The following CLINT1 variants were observed in gnomAD, a reference collection of about 807,000 sequenced individuals.
CLINT1 encodes the protein clathrin interactor 1.
Under a neutral mutation model 70.4 loss-of-function variants are expected in CLINT1, and 15 were observed. The observed-to-expected ratio is 0.21, with a 90% CI of 0.14 to 0.33. The LOEUF (loss-of-function observed/expected upper bound fraction) is 0.33. CLINT1 is among the 10% of genes least tolerant of loss of function. The pLI, the probability that CLINT1 is intolerant of heterozygous loss-of-function variation, is 1.00. For missense variants in CLINT1, 615 were observed against 778.1 expected (o/e 0.79, Z 2.49); for synonymous variants, 227 against 254.7 (o/e 0.89, Z 1.04).
At chr5:157,851,876 G>A (rs935382953) in intron 1 of CLINT1, among the ~76,000 whole-genome samples, 1 of 151,972 alleles carries the variant, frequency 6.6e-6, no homozygotes, top group Non-Finnish European at 1.5e-5. Context: ...AATATATTAC[G>A]TTCCTTTACC....
intron 3 of CLINT1, 63 bp from the exon 4 acceptor site, chr5:157,814,356 G>A: frequency 8.8e-7 from 1 of 1,136,362 alleles, no homozygotes; most frequent in Non-Finnish European, 1.3e-6. Flanking sequence ...TTTGGTAAAT[G>A]GTTAAAAAAA....
intron 1 of CLINT1, among the ~76,000 whole-genome samples, chr5:157,839,764 T>TATAC (rs1554102233): frequency 1.0e-4 from 15 of 147,888 alleles, no homozygotes; most frequent in Admixed American, 3.5e-4. Context: ...TCTATCTATC[T>TATAC]ATACATATAA....
intron 1 of CLINT1, among the ~76,000 whole-genome samples, chr5:157,831,694 T>TC (rs71577339): frequency 4.0e-5 from 2 of 49,482 alleles, no homozygotes; most frequent in Non-Finnish European, 8.3e-5. Flanking sequence ...GAAAATATCC[T>TC]TTTTTTTTTT....
chr5:157,833,099 C>T (rs1453470698), intron 1 of CLINT1, among the ~76,000 whole-genome samples: 2 of 152,124 alleles, frequency 1.3e-5, no homozygotes, highest in Admixed American at 6.5e-5. Context: ...TCCTGTAATT[C>T]CGGCACTGGG....
chr5:157,818,080 A>G (rs769996897), intron 1 of CLINT1, among the ~76,000 whole-genome samples: 2 of 152,060 alleles, frequency 1.3e-5, no homozygotes, highest in Non-Finnish European at 2.9e-5. Flanking sequence ...GTCTTTTTTC[A>G]TTTACTCTAT....
intron 1 of CLINT1, among the ~76,000 whole-genome samples, chr5:157,846,972 C>A (rs1000987320): frequency 6.6e-6 from 1 of 152,302 alleles, no homozygotes; most frequent in Non-Finnish European, 1.5e-5. Flanking sequence ...TTCACATGGA[C>A]AAGGAGTCAC....
intron 6 of CLINT1, among the ~76,000 whole-genome samples, chr5:157,808,770 G>A (rs1216669381): frequency 6.6e-6 from 1 of 152,006 alleles, no homozygotes; most frequent in Non-Finnish European, 1.5e-5. Context: ...AATCCATTTG[G>A]ATTGTTTTTC....
At chr5:157,845,987 T>C (rs768392138) in intron 1 of CLINT1, among the ~76,000 whole-genome samples, 5 of 152,288 alleles carry the variant, frequency 3.3e-5, no homozygotes, top group Non-Finnish European at 5.9e-5. Flanking sequence ...TAATTGATAG[T>C]AAGTTGAATG....
intron 6 of CLINT1, among the ~76,000 whole-genome samples, chr5:157,807,857 C>T (rs1369597030): frequency 6.6e-6 from 1 of 152,042 alleles, no homozygotes; most frequent in Non-Finnish European, 1.5e-5. Context: ...AACCAGCCTA[C>T]ATAGCGTTAT....
chr5:157,817,693 T>C, intron 1 of CLINT1, 146 bp from the exon 2 acceptor site: 1 of 568,944 alleles, frequency 1.8e-6, no homozygotes, highest in Non-Finnish European at 3.2e-6. Context: ...GTGCACAAGC[T>C]ACCCCAAGGA....
chr5:157,854,852 G>A (rs1474538139), intron 1 of CLINT1, among the ~76,000 whole-genome samples: 1 of 152,020 alleles, frequency 6.6e-6, no homozygotes, highest in Non-Finnish European at 1.5e-5. Context: ...ATCAAAAAAA[G>A]GGCCACTGAG....
chr5:157,847,325 G>A (rs567229690), intron 1 of CLINT1, among the ~76,000 whole-genome samples: 34 of 152,172 alleles, frequency 2.2e-4, no homozygotes, highest in Admixed American at 1.3e-3. Context: ...GCAACATAGC[G>A]AAACCTCATC....
At chr5:157,800,586 G>GT (rs1341782843) in intron 8 of CLINT1, among the ~76,000 whole-genome samples, 1 of 151,968 alleles carries the variant, frequency 6.6e-6, no homozygotes, top group Non-Finnish European at 1.5e-5. Context: ...TAAACATACG[G>GT]TTTCAAATAG....
At chr5:157,844,225 T>G (rs1317286076) in intron 1 of CLINT1, among the ~76,000 whole-genome samples, 1 of 152,196 alleles carries the variant, frequency 6.6e-6, no homozygotes, top group Non-Finnish European at 1.5e-5. Flanking sequence ...CTTTATAATG[T>G]ATTTTCCCCT....
intron 11 of CLINT1, among the ~76,000 whole-genome samples, 186 bp from the exon 12 acceptor site, chr5:157,788,178 A>G (rs1407832670): frequency 1.3e-5 from 2 of 152,200 alleles, no homozygotes; most frequent in African/African-American, 4.8e-5. Context: ...TTCAGTGACT[A>G]TTGGCTCTGG....
In CLINT1 at chr5:157,816,836, A is replaced by G. The variant is rs1216274557; in HGVS notation, c.147-6T>C. 1.9e-6 allele frequency: 3 copies of G among 1,591,888 alleles called. No homozygotes were observed. The African/African-American group carries it at 4.1e-5, about 22-fold the overall frequency. On this transcript the variant is annotated splice_region_variant and splice_polypyrimidine_tract_variant and intron_variant, in intron 2 of 11. Coordinates refer to ENST00000411809, the MANE Select transcript of CLINT1 (RefSeq NM_014666.4). The stretch of plus-strand genomic sequence containing the variant: ...GTTCATACATAAATGTAGCCCTGAA[A>G]AAAGAATCATTCTTTAAGAGTCTGC...
At chr5:157,848,087 T>A (rs529736934) in intron 1 of CLINT1, among the ~76,000 whole-genome samples, 6 of 152,270 alleles carry the variant, frequency 3.9e-5, no homozygotes, top group African/African-American at 1.4e-4. Flanking sequence ...GATACAGGTG[T>A]GAGCCACTGC....
chr5:157,803,916 A>T (rs1458884858), intron 7 of CLINT1, among the ~76,000 whole-genome samples, 197 bp from the exon 8 acceptor site: 1 of 152,134 alleles, frequency 6.6e-6, no homozygotes. Flanking sequence ...CATTCCCAGC[A>T]GTGTAAAAGT....
chr5:157,805,478 G>A (rs1048197429), intron 7 of CLINT1, among the ~76,000 whole-genome samples: 6 of 152,152 alleles, frequency 3.9e-5, no homozygotes, highest in Non-Finnish European at 8.8e-5. Flanking sequence ...GAGATAACTT[G>A]CCCCTATATA....
Sources: allele counts gnomAD v4.1 joint callset (sites outside exome capture counted in the v4.1 genomes callset), GRCh38; gene constraint gnomAD v4.1.1; transcripts MANE v1.5; gene names NCBI Gene and HGNC (gene_info 2026-07-23, HGNC 2026-07-21).